Variants in FAM13C observed in about 807,000 individuals in gnomAD.
FAM13C encodes protein FAM13C.
Under a neutral mutation model 73.2 loss-of-function variants are expected in FAM13C, and 37 were observed. The observed-to-expected ratio is 0.51, with a 90% CI of 0.39 to 0.67. The LOEUF (loss-of-function observed/expected upper bound fraction) is 0.67, where lower values mean the gene tolerates loss of function less well. Ranked by LOEUF, FAM13C falls within the 30% of genes least tolerant of loss-of-function variation. The probability of loss-of-function intolerance (pLI) is 0.00; values close to 1 mark genes in which losing one functional copy is unlikely to be tolerated. For missense variants in FAM13C, 589 were observed against 715.6 expected (o/e 0.82, Z 2.02); for synonymous variants, 246 against 260.9 (o/e 0.94, Z 0.55).
intron 6 of FAM13C, among the ~76,000 whole-genome samples, chr10:59,271,522 G>T (rs943718238): frequency 6.6e-6 from 1 of 152,190 alleles, no homozygotes; most frequent in African/African-American, 2.4e-5. Flanking sequence ...CAAAAGAGTT[G>T]GAGGGAGGCA....
At chr10:59,253,754 T>C (rs1482722625) in intron 11 of FAM13C, 3 of 152,276 alleles carry the variant, frequency 2.0e-5, no homozygotes, top group South Asian at 4.1e-4. Context: ...CCTTTTTATA[T>C]TGATATCTTG....
At position 59,263,942 on chromosome 10, in the gene FAM13C, A is replaced by T. The variant is rs1193732262; in HGVS notation, c.1024+143T>A. 7 of 756,318 alleles carry T rather than the reference A, an allele frequency of 9.3e-6. No individual in the cohort carries two copies. In the East Asian group the frequency reaches 1.8e-4, roughly 20 times the overall value. The allele number at this position is 756,318 out of a possible 1,614,324, so 46.9% of individuals were successfully genotyped here. ...CAATGACAGAGATACAGGGTGCTTT[A>T]TTTCAAAAGGGAGTTACAGTCTAAG... On this transcript the variant is annotated intron_variant, in intron 9 of 13. Transcript: ENST00000618804.
At chr10:59,339,336 G>C (rs1171376994) in intron 3 of FAM13C, among the ~76,000 whole-genome samples, 3 of 152,000 alleles carry the variant, frequency 2.0e-5, no homozygotes, top group Non-Finnish European at 4.4e-5. Context: ...CATACAAGAG[G>C]GAAAATATTC....
intron 13 of FAM13C, 179 bp from the exon 14 acceptor site, chr10:59,247,916 C>T (rs774980089): frequency 1.7e-6 from 1 of 592,402 alleles, no homozygotes; most frequent in Admixed American, 3.4e-5. Context: ...TACTAAGTTT[C>T]TAAATAATAG....
At chr10:59,247,916 C>A in intron 13 of FAM13C, 179 bp from the exon 14 acceptor site, 1 of 592,522 alleles carries the variant, frequency 1.7e-6, no homozygotes, top group Non-Finnish European at 2.8e-6. Flanking sequence ...TACTAAGTTT[C>A]TAAATAATAG....
chr10:59,347,047 C>T (rs1295440421), intron 3 of FAM13C, among the ~76,000 whole-genome samples: 5 of 151,986 alleles, frequency 3.3e-5, no homozygotes, highest in African/African-American at 4.8e-5. Flanking sequence ...TTAAATGGTC[C>T]TTATTTAAGG....
At chr10:59,296,391 G>A (rs969472320) in intron 5 of FAM13C, among the ~76,000 whole-genome samples, 4 of 152,150 alleles carry the variant, frequency 2.6e-5, no homozygotes, top group South Asian at 2.1e-4. Context: ...ATTCTTCATC[G>A]ATATCTTTGA....
chr10:59,295,480 C>G (rs1846799731), intron 5 of FAM13C, among the ~76,000 whole-genome samples: 1 of 152,158 alleles, frequency 6.6e-6, no homozygotes. Context: ...GCAGGACACA[C>G]AGTTGCACAA....
intron 6 of FAM13C, among the ~76,000 whole-genome samples, chr10:59,278,517 T>C (rs1208432735): frequency 6.6e-6 from 1 of 152,120 alleles, no homozygotes; most frequent in Non-Finnish European, 1.5e-5. Context: ...AGATAATTCT[T>C]TGATGAGGGA....
At chr10:59,358,255 G>C (rs1420953757) in intron 1 of FAM13C, among the ~76,000 whole-genome samples, 6 of 152,154 alleles carry the variant, frequency 3.9e-5, no homozygotes, top group African/African-American at 1.4e-4. Flanking sequence ...GCACACACCT[G>C]TAGTTTCAGC....
chr10:59,309,979 G>A (rs1227143986), intron 4 of FAM13C, among the ~76,000 whole-genome samples: 1 of 152,148 alleles, frequency 6.6e-6, no homozygotes, highest in Non-Finnish European at 1.5e-5. Flanking sequence ...CTAGAGGATG[G>A]AATGACTCTC....
chr10:59,262,480 C>T lies in FAM13C; in HGVS notation c.1190G>A (p.Cys397Tyr). ...GEETPDAALT[C>Y]LKERREQLPP... ...AAGTTGCTCTCTTCTCTCCTTCAGG[C>T]ATGTCAAGGCAGCATCTGGAGTCTC... is the stretch of plus-strand genomic sequence containing the variant. Residue 397 changes from cysteine to tyrosine, a missense_variant, in exon 10 of 14, where the codon TGC becomes TAC. By Grantham distance (194) the Cys-to-Tyr change is radical (BLOSUM62 -2). Coordinates refer to ENST00000618804, the MANE Select transcript of FAM13C (RefSeq NM_198215.4). The T allele has an allele frequency of 6.2e-7, 1 of 1,613,746 alleles. No individual in the cohort carries two copies.
At chr10:59,333,177 G>A (rs1171109071) in intron 3 of FAM13C, among the ~76,000 whole-genome samples, 1 of 152,086 alleles carries the variant, frequency 6.6e-6, no homozygotes, top group Non-Finnish European at 1.5e-5. Context: ...AAGAAAATAT[G>A]TATATTTTAA....
At chr10:59,263,768 C>G (rs1213153283) in intron 9 of FAM13C, 3 of 329,898 alleles carry the variant, frequency 9.1e-6, no homozygotes, top group Non-Finnish European at 1.8e-5. Flanking sequence ...TCTCAGGCCT[C>G]TTCTGTTTCT....
At chr10:59,310,249 T>A (rs564374211) in intron 4 of FAM13C, among the ~76,000 whole-genome samples, 2 of 152,288 alleles carry the variant, frequency 1.3e-5, no homozygotes, top group Admixed American at 1.3e-4. Context: ...TACACTAATG[T>A]ATACCCGGAT....
chr10:59,361,105 T>A, intron 1 of FAM13C: 1 of 1,289,178 alleles, frequency 7.8e-7, no homozygotes, highest in Non-Finnish European at 1.0e-6. Context: ...TCCCCTTCTC[T>A]CAGGCCTTTA....
At chr10:59,254,100 A>C in intron 11 of FAM13C, 1 of 390,476 alleles carries the variant, frequency 2.6e-6, no homozygotes. Context: ...AATGAAAGCA[A>C]ATGTTAAAAT....
intron 3 of FAM13C, among the ~76,000 whole-genome samples, chr10:59,336,605 CA>C (rs1311088872): frequency 6.6e-6 from 1 of 152,182 alleles, no homozygotes; most frequent in East Asian, 1.9e-4. Flanking sequence ...GCTGGAAAAA[CA>C]AATAGTGGCC....
chr10:59,262,174 G>A (rs1255890939), intron 10 of FAM13C, among the ~76,000 whole-genome samples: 2 of 151,596 alleles, frequency 1.3e-5, no homozygotes, highest in African/African-American at 4.8e-5. Flanking sequence ...TGGGGAGAAA[G>A]GGATATGATA....
Sources: allele counts gnomAD v4.1 joint callset (sites outside exome capture counted in the v4.1 genomes callset), GRCh38; gene constraint gnomAD v4.1.1; transcripts MANE v1.5; gene names NCBI Gene and HGNC (gene_info 2026-07-23, HGNC 2026-07-21).